Variants in MDFIC2 observed in about 807,000 individuals in gnomAD.
MDFIC2 encodes the protein myoD family inhibitor domain-containing protein 2.
chr3:70,298,035 A>G (rs1702306480), intron 2 of MDFIC2, among the ~76,000 whole-genome samples: 1 of 152,114 alleles, frequency 6.6e-6, no homozygotes, highest in African/African-American at 2.4e-5. Context: ...GTCACATCTA[A>G]GATTGACAAT....
chr3:70,247,469 T>C (rs1220915718), intron 2 of MDFIC2, among the ~76,000 whole-genome samples: 2 of 151,776 alleles, frequency 1.3e-5, no homozygotes, highest in Admixed American at 6.6e-5. Flanking sequence ...TATCATATAA[T>C]ATATATTATC....
At chr3:70,300,515 A>T (rs1217309850) in intron 2 of MDFIC2, among the ~76,000 whole-genome samples, 2 of 152,006 alleles carry the variant, frequency 1.3e-5, no homozygotes, top group African/African-American at 4.8e-5. Context: ...ATATACATAC[A>T]TATATATTAT....
chr3:70,224,666 T>C (rs907762317), intron 2 of MDFIC2, among the ~76,000 whole-genome samples: 5 of 152,128 alleles, frequency 3.3e-5, no homozygotes, highest in Admixed American at 3.3e-4. Flanking sequence ...TACTTGGGAA[T>C]CCACTCTCTG....
intron 2 of MDFIC2, among the ~76,000 whole-genome samples, chr3:70,224,832 C>T (rs7650154): frequency 6.6e-6 from 1 of 151,920 alleles, no homozygotes; most frequent in Admixed American, 6.6e-5. Flanking sequence ...TTTCCCCCCC[C>T]ACACCTCACC....
intron 3 of MDFIC2, among the ~76,000 whole-genome samples, chr3:70,200,026 C>G (rs917971984): frequency 2.6e-5 from 4 of 152,134 alleles, no homozygotes; most frequent in African/African-American, 9.7e-5. Context: ...CGGCAGAAAC[C>G]TGGTAGTCAT....
intron 2 of MDFIC2, among the ~76,000 whole-genome samples, chr3:70,243,186 T>G (rs1701677754): frequency 6.6e-6 from 1 of 152,182 alleles, no homozygotes; most frequent in Non-Finnish European, 1.5e-5. Flanking sequence ...CTCATGAACA[T>G]CTTGTTAAGG....
intron 2 of MDFIC2, among the ~76,000 whole-genome samples, chr3:70,309,628 C>A (rs1702437682): frequency 6.6e-6 from 1 of 152,078 alleles, no homozygotes. Context: ...CTTTTTACTG[C>A]ACCACTTTGA....
In MDFIC2 at chr3:70,196,920, A is replaced by G. The variant is rs544957730; in HGVS notation, c.*6T>C. ...AGGACTGCCGGAATGTGGTTACTTC[A>G]CTGTGCTAGCGGTAACAGATTTCTG... On this transcript the variant is annotated 3_prime_UTR_variant, in exon 4 of 4. Transcript: ENST00000567252. 2.5e-6 allele frequency: 1 copy of G among 398,464 alleles called. No homozygotes were observed. The highest frequency in any genetic ancestry group is 1.3e-4 in the South Asian group (1 of 7,854). 24.7% of individuals were successfully genotyped at this position (398,464 alleles called of 1,614,324 possible).
At chr3:70,274,175 TA>T (rs1487313059) in intron 2 of MDFIC2, among the ~76,000 whole-genome samples, 2 of 151,498 alleles carry the variant, frequency 1.3e-5, no homozygotes, top group Non-Finnish European at 2.9e-5. Context: ...TACATATGTG[TA>T]GGGGGTGGGG....
chr3:70,244,192 A>G (rs1701684585), intron 2 of MDFIC2, among the ~76,000 whole-genome samples: 1 of 152,204 alleles, frequency 6.6e-6, no homozygotes, highest in Non-Finnish European at 1.5e-5. Flanking sequence ...GCTGAGGACC[A>G]ATTTTAACAA....
At chr3:70,251,323 A>C (rs75685958) in intron 2 of MDFIC2, among the ~76,000 whole-genome samples, 1 of 152,148 alleles carries the variant, frequency 6.6e-6, no homozygotes, top group Non-Finnish European at 1.5e-5. Flanking sequence ...TGCAGTCTTC[A>C]GTCTTCATTT....
intron 2 of MDFIC2, among the ~76,000 whole-genome samples, chr3:70,258,726 C>T (rs920318185): frequency 7.2e-5 from 11 of 151,792 alleles, no homozygotes; most frequent in Non-Finnish European, 5.9e-5. Flanking sequence ...TTTTTAATAG[C>T]GAAAACTTTA....
At chr3:70,269,065 C>G (rs1949690) in intron 2 of MDFIC2, among the ~76,000 whole-genome samples, 65,388 of 151,720 alleles carry the variant, frequency 0.43, 14,917 homozygotes, top group East Asian at 0.58. Flanking sequence ...CTTTATCAAC[C>G]TGTCAAAAGT....
intron 2 of MDFIC2, among the ~76,000 whole-genome samples, chr3:70,266,048 G>T (rs573402285): frequency 5.3e-5 from 8 of 152,266 alleles, no homozygotes; most frequent in African/African-American, 1.9e-4. Context: ...TGCTTATTCA[G>T]AAAAGAGAAT....
intron 2 of MDFIC2, among the ~76,000 whole-genome samples, chr3:70,211,353 C>T (rs1701343398): frequency 1.5e-4 from 1 of 6,580 alleles, no homozygotes; most frequent in Non-Finnish European, 1.5e-3. Flanking sequence ...TTTTGCCCTT[C>T]CCTTCCCTTT....
chr3:70,217,830 G>T (rs1375548643), intron 2 of MDFIC2, among the ~76,000 whole-genome samples: 3 of 152,098 alleles, frequency 2.0e-5, no homozygotes, highest in African/African-American at 7.2e-5. Context: ...AGTTATGAGG[G>T]CTTGGGGGTG....
chr3:70,234,817 G>A (rs2106747610), intron 2 of MDFIC2, among the ~76,000 whole-genome samples: 1 of 152,222 alleles, frequency 6.6e-6, no homozygotes, highest in Admixed American at 6.5e-5. Flanking sequence ...TTTAATTGGT[G>A]CTGCTTAAGA....
At chr3:70,207,697 C>T (rs1029056123) in intron 2 of MDFIC2, among the ~76,000 whole-genome samples, 8 of 151,990 alleles carry the variant, frequency 5.3e-5, no homozygotes, top group Non-Finnish European at 1.2e-4. Context: ...ATAACAACCA[C>T]TTACATAGCA....
intron 2 of MDFIC2, among the ~76,000 whole-genome samples, chr3:70,295,829 C>G (rs1056394465): frequency 6.6e-6 from 1 of 152,120 alleles, no homozygotes. Context: ...AATTATAATA[C>G]CTTATTTTTT....
Sources: gnomAD v4.1 joint callset for allele counts (sites outside exome capture counted in the v4.1 genomes callset) on GRCh38, gnomAD v4.1.1 for gene constraint, MANE v1.5 for transcripts, NCBI Gene and HGNC (gene_info 2026-07-23, HGNC 2026-07-21) for gene names.